Variants in ZNF440 observed in about 807,000 individuals in gnomAD.
The protein encoded by ZNF440 is zinc finger protein 440.
ZNF440 carries 47 observed loss-of-function variants against 49.7 expected under a neutral mutation model. The ratio of observed to expected loss-of-function variants is 0.95; its 90% CI spans 0.75 to 1.21. The LOEUF is 1.21. Ranked by LOEUF, ZNF440 falls within the 50% of genes most tolerant of loss-of-function variation. ZNF440 has a pLI of 0.00. For missense variants in ZNF440, 703 were observed against 715.0 expected (o/e 0.98, Z 0.19); for synonymous variants, 255 against 237.7 (o/e 1.07, Z -0.67).
chr19:11,831,909 A>G lies in ZNF440; in HGVS notation c.733A>G (p.Ile245Val). The G allele has an allele frequency of 6.2e-7, 1 of 1,613,920 alleles. No individual in the cohort carries two copies. The highest frequency in any genetic ancestry group is 8.5e-7 in the Non-Finnish European group (1 of 1,179,940). Residue 245 changes from isoleucine (I) to valine (V), a missense_variant, in exon 4 of 4, where the codon ATA becomes GTA. Transcript: ENST00000304060. ...CTTTAGTTATTCTGCTACCCATCGA[A>G]TACATAAAAGAACTCACACTGGAGA... ...KSFSYSATHRIHKRTHTGEKP... is the reference protein window; with the variant it reads ...KSFSYSATHRVHKRTHTGEKP...
At position 11,833,299 on chromosome 19, in the gene ZNF440, G is replaced by C. The variant is rs199519108; in HGVS notation, c.*335G>C. 122 of 570,466 alleles carry C rather than the reference G, an allele frequency of 2.1e-4. No homozygotes were observed. Among genetic ancestry groups the C allele is most frequent in the Non-Finnish European group, 3.3e-4 (108 of 324,582 alleles). 35.3% of individuals were successfully genotyped at this position (570,466 alleles called of 1,614,324 possible). On this transcript the variant is annotated 3_prime_UTR_variant, in exon 4 of 4. Coordinates refer to ENST00000304060, the MANE Select transcript of ZNF440 (RefSeq NM_152357.3). The stretch of plus-strand genomic sequence containing the variant: ...TCTCTTCTTTGCAAATACATGAAAG[G>C]ATGCACAGAGGAGAGAAGCTCTGTG...
chr19:11,830,012 C>T (rs1037644159), intron 1 of ZNF440: 2 of 516,534 alleles, frequency 3.9e-6, no homozygotes, highest in Non-Finnish European at 6.4e-6. Context: ...ATCTTAGCTA[C>T]TCAGGAGGCT....
At position 11,832,980 on chromosome 19, in the gene ZNF440, G is replaced by A. The variant is rs1169157026; in HGVS notation, c.*16G>A. 6.2e-7 allele frequency: 1 copy of A among 1,602,974 alleles called. No individual in the cohort carries two copies. The highest frequency in any genetic ancestry group is 8.5e-7 in the Non-Finnish European group (1 of 1,177,788). On this transcript the variant is annotated 3_prime_UTR_variant, in exon 4 of 4. Transcript: ENST00000304060. ...ACACACATAATGCACTCTGTAGAGA[G>A]ACCTTATAAATGTAAGATATGTGGG...
At chr19:11,830,106 A>G in intron 1 of ZNF440, 177 bp from the exon 2 acceptor site, 7 of 1,357,496 alleles carry the variant, frequency 5.2e-6, no homozygotes, top group South Asian at 1.5e-5. Context: ...GTGAAAAAAA[A>G]AACAAGTTGC....
intron 1 of ZNF440, among the ~76,000 whole-genome samples, chr19:11,828,687 C>CTTTTTT (rs201282862): frequency 1.4e-5 from 2 of 138,592 alleles, no homozygotes; most frequent in Non-Finnish European, 1.6e-5. Flanking sequence ...TTTTCTTTTT[C>CTTTTTT]TTTTTTTTTT....
chr19:11,832,619 TG>T lies in ZNF440; in HGVS notation c.1445del (p.Gly482GlufsTer12), dbSNP rs772471835. ...SFQRHEKTHT[G>X]EKLYECKQRS... The stretch of plus-strand genomic sequence containing the variant: ...TTCAAAGACATGAAAAAACTCACAC[TG>T]GAGAGAAACTCTATGAATGCAAGCA... On this transcript the variant is annotated frameshift_variant, in exon 4 of 4. Transcript: ENST00000304060. LOFTEE classifies it high-confidence loss of function. 5 of 1,613,564 alleles carry T rather than the reference TG, an allele frequency of 3.1e-6. No individual in the cohort carries two copies. In the East Asian group the frequency reaches 1.1e-4, roughly 36 times the overall value.
chr19:11,817,380 G>A (rs1975744588), intron 1 of ZNF440: 1 of 152,266 alleles, frequency 6.6e-6, no homozygotes, highest in Non-Finnish European at 1.5e-5. Context: ...AGGATCACTT[G>A]AGGTCAGGAG....
At chr19:11,827,692 G>T (rs996836233) in intron 1 of ZNF440, 1 of 152,210 alleles carries the variant, frequency 6.6e-6, no homozygotes, top group Non-Finnish European at 1.5e-5. Context: ...AAGTAGTTTT[G>T]TAAAAGGTGC....
intron 1 of ZNF440, among the ~76,000 whole-genome samples, chr19:11,815,633 G>A (rs567598627): frequency 1.3e-5 from 2 of 152,256 alleles, no homozygotes; most frequent in South Asian, 2.1e-4. Context: ...GGCCGGGCGC[G>A]GTGGCTCACG....
Position 11,833,779 on chromosome 19 carries a change from C to A in ZNF440, c.*815C>A. The A allele has an allele frequency of 1.2e-6, 1 of 847,320 alleles. No homozygotes were observed. The highest frequency in any genetic ancestry group is 1.7e-6 in the Non-Finnish European group (1 of 575,984). The allele number at this position is 847,320 out of a possible 1,614,324, so 52.5% of individuals were successfully genotyped here. On this transcript the variant is annotated 3_prime_UTR_variant, in exon 4 of 4. Transcript: ENST00000304060. ...TGTGGGAAAGCCTTCAGATCAGCCT[C>A]GCACCTTCAAATGCATGGAAGGACT...
rs1312966516 is a variant in ZNF440 at position 11,834,190 on chromosome 19, G to A, written c.*1226G>A. On this transcript the variant is annotated 3_prime_UTR_variant, in exon 4 of 4. Coordinates refer to ENST00000304060, the MANE Select transcript of ZNF440 (RefSeq NM_152357.3). ...CACCCAGGCTGGAGTGCAGTGGCAT[G>A]ATCTCAGGTCACTGCAACCTCTGCC... is the stretch of plus-strand genomic sequence containing the variant. 3.6e-6 allele frequency: 1 copy of A among 280,796 alleles called. No individual in the cohort carries two copies. The highest frequency in any genetic ancestry group is 5.3e-5 in the Admixed American group (1 of 18,830). 17.4% of individuals were successfully genotyped at this position (280,796 alleles called of 1,614,324 possible).
At chr19:11,819,192 G>A in intron 1 of ZNF440, among the ~76,000 whole-genome samples, 1 of 152,058 alleles carries the variant, frequency 6.6e-6, no homozygotes, top group East Asian at 1.9e-4. Context: ...TAGTGATGAG[G>A]GAAAGGGTCT....
chr19:11,826,954 C>G (rs384590), intron 1 of ZNF440, among the ~76,000 whole-genome samples: 13 of 152,102 alleles, frequency 8.5e-5, no homozygotes, highest in African/African-American at 2.4e-4. Flanking sequence ...TGAGCCACTG[C>G]GCCCGGGCTG....
At chr19:11,830,899 A>C (rs1387450509) in intron 3 of ZNF440, among the ~76,000 whole-genome samples, 2 of 152,192 alleles carry the variant, frequency 1.3e-5, no homozygotes, top group African/African-American at 4.8e-5. Context: ...GCTTGAGGCC[A>C]GCAGTTCAAG....
rs527740574 is a variant in ZNF440, at chr19:11,832,872, A to G, written c.1696A>G (p.Met566Val). ...CTTTGAATACGTGGTAGGACACACA[A>G]TGGAGAGAAGCCCTATGCATGTAAG... Reference protein sequence around the residue: ...HTFEYVVGHTMERSPMHVRNV... With the variant: ...HTFEYVVGHTVERSPMHVRNV... The change falls in exon 4 of 4, where the codon ATG becomes GTG. Residue 566 changes from methionine (M) to valine (V), a missense_variant. Coordinates refer to ENST00000304060, the MANE Select transcript of ZNF440 (RefSeq NM_152357.3). 11 of 1,611,694 alleles carry G rather than the reference A, an allele frequency of 6.8e-6. No homozygotes were observed. The South Asian group carries it at 9.9e-5, about 14-fold the overall frequency.
At position 11,818,007 on chromosome 19, in the gene ZNF440, C is replaced by T. The variant is rs146814646; in HGVS notation, c.3+3557C>T. 2.6e-4 allele frequency among the ~76,000 whole-genome samples: 40 copies of T among 152,004 alleles called. No individual in the cohort carries two copies. In the East Asian group the frequency reaches 4.3e-3, roughly 16 times the overall value. On this transcript the variant is annotated intron_variant, in intron 1 of 3. Transcript: ENST00000304060. ...GGCGGATCACTTGAGATTAGGGGTT[C>T]GATACCAGCCTGATGAAACCCTGTC...
chr19:11,818,240 A>G (rs776417443), intron 1 of ZNF440, among the ~76,000 whole-genome samples: 3 of 152,084 alleles, frequency 2.0e-5, no homozygotes, highest in Non-Finnish European at 4.4e-5. Context: ...AAAAAAAACT[A>G]TAATTATCTT....
Position 11,832,744 on chromosome 19 carries a change from C to T in ZNF440, c.1568C>T (p.Pro523Leu). 1 of 1,613,408 alleles carries T rather than the reference C, an allele frequency of 6.2e-7. No homozygotes were observed. Among genetic ancestry groups the T allele is most frequent in the Non-Finnish European group, 8.5e-7 (1 of 1,179,804 alleles). Reference sequence around the variant, plus strand: ...ATAAATGCGAGCAATGTGGGAAAGCCTTCAGAGCTGTGTCAATCCTTTGAA... The same window carrying T: ...ATAAATGCGAGCAATGTGGGAAAGCTTTCAGAGCTGTGTCAATCCTTTGAA... ...SPINASNVGK[P>L]SELCQSFECM... The change falls in exon 4 of 4, where the codon CCT becomes CTT. Residue 523 changes from proline (P) to leucine (L), a missense_variant. Pro to Leu is a moderately conservative substitution (Grantham distance 98). Coordinates refer to ENST00000304060, the MANE Select transcript of ZNF440 (RefSeq NM_152357.3).
chr19:11,816,697 C>A (rs1174838055), intron 1 of ZNF440: 3 of 152,338 alleles, frequency 2.0e-5, no homozygotes, highest in Admixed American at 1.3e-4. Context: ...GTGGCTCTAT[C>A]TTGGCTCACT....
Sources: gnomAD v4.1 joint callset for allele counts (sites outside exome capture counted in the v4.1 genomes callset) on GRCh38, gnomAD v4.1.1 for gene constraint, MANE v1.5 for transcripts, NCBI Gene and HGNC (gene_info 2026-07-23, HGNC 2026-07-21) for gene names.